Variants in ESYT3 observed in about 807,000 individuals in gnomAD.
ESYT3 encodes the protein extended synaptotagmin-3.
ESYT3 carries 101 observed loss-of-function variants against 111.5 expected under a neutral mutation model. That is an observed-to-expected ratio of 0.91 (90% CI 0.77 to 1.07). The LOEUF (loss-of-function observed/expected upper bound fraction) is 1.07. ESYT3 is among the 50% of genes least tolerant of loss of function. The pLI, the probability that ESYT3 is intolerant of heterozygous loss-of-function variation, is 0.00. For missense variants in ESYT3, 1,097 were observed against 1,109.4 expected (o/e 0.99, Z 0.16); for synonymous variants, 416 against 446.8 (o/e 0.93, Z 0.87).
chr3:138,469,316 CAA>C, intron 14 of ESYT3, 118 bp from the exon 15 acceptor site: 1 of 847,340 alleles, frequency 1.2e-6, no homozygotes, highest in African/African-American at 1.7e-5. Context: ...AGCTTTCTCT[CAA>C]AGAGAAGTAA....
In ESYT3 at chr3:138,479,510, C is replaced by G. The variant is rs1423056666; in HGVS notation, c.*2656C>G. On this transcript the variant is annotated 3_prime_UTR_variant, in exon 23 of 23. Coordinates refer to ENST00000389567, the MANE Select transcript of ESYT3 (RefSeq NM_031913.5). ...TCTCCTTTGCTGCTTTCCCGGCAGGCTGATGTTTGGCTTTGCCAATAGGGG... is the reference window on the plus strand; with the variant it reads ...TCTCCTTTGCTGCTTTCCCGGCAGGGTGATGTTTGGCTTTGCCAATAGGGG... 10 of 152,240 alleles carry G rather than the reference C, an allele frequency of 6.6e-5. No individual in the cohort carries two copies. The highest frequency in any genetic ancestry group is 6.5e-4 in the Admixed American group (10 of 15,292). 9.4% of individuals were successfully genotyped at this position (152,240 alleles called of 1,614,324 possible). A position where few individuals can be genotyped will look rare whatever the true frequency, so the allele number is the denominator to read the frequency against.
chr3:138,475,510 T>C (rs1054008823), intron 20 of ESYT3, among the ~76,000 whole-genome samples: 3 of 152,288 alleles, frequency 2.0e-5, no homozygotes, highest in South Asian at 2.1e-4. Context: ...CTGTTTTCCA[T>C]GCAACTGTAG....
Position 138,460,688 on chromosome 3 carries a change from G to A in ESYT3, c.794+22G>A, listed in dbSNP as rs753471642. On this transcript the variant is annotated intron_variant, in intron 7 of 22. Transcript: ENST00000389567. ...TCAAGTAGGTGCCTGGGAGAGCCTC[G>A]AGGGAGATCATAAGTTTGGGGGCCT... is the stretch of plus-strand genomic sequence containing the variant. 16 of 1,613,630 alleles carry A rather than the reference G, an allele frequency of 9.9e-6. No homozygotes were observed. The South Asian group carries it at 1.1e-4, about 11-fold the overall frequency.
intron 10 of ESYT3, among the ~76,000 whole-genome samples, chr3:138,465,785 G>GGGGTAGAACCCAGCCCTTCA (rs1246060504): frequency 1.3e-5 from 2 of 152,176 alleles, no homozygotes; most frequent in Non-Finnish European, 2.9e-5. Flanking sequence ...CATGCTCTAG[G>GGGGTAGAACCCAGCCCTTCA]GGGTAGAACC....
intron 4 of ESYT3, among the ~76,000 whole-genome samples, chr3:138,458,606 A>C (rs890158716): frequency 4.6e-5 from 7 of 152,144 alleles, no homozygotes; most frequent in Non-Finnish European, 1.0e-4. Context: ...GGATCTGCTG[A>C]TCTTTACCCT....
intron 1 of ESYT3, among the ~76,000 whole-genome samples, chr3:138,446,281 A>G (rs1292195649): frequency 1.3e-5 from 2 of 152,208 alleles, no homozygotes; most frequent in Non-Finnish European, 2.9e-5. Context: ...GTAGTGGACG[A>G]AGTGGAAAAG....
intron 19 of ESYT3, 98 bp downstream of exon 19, chr3:138,473,732 C>A: frequency 9.8e-7 from 1 of 1,022,464 alleles, no homozygotes; most frequent in Non-Finnish European, 1.5e-6. Flanking sequence ...CACATAGTCC[C>A]AAGATAAATA....
rs1251094090 is a variant in ESYT3 at position 138,435,602 on chromosome 3, G to C, written c.327+477G>C. Among the ~76,000 whole-genome samples, 1 of 152,200 alleles carries C rather than the reference G, an allele frequency of 6.6e-6. No homozygotes were observed. The highest frequency in any genetic ancestry group is 2.4e-5 in the African/African-American group (1 of 41,448). ...TCGGCCGAGGCCTGGACTGCGGTAG[G>C]GGGAGGGCTCCGCGGGGCTGGAGGT... On this transcript the variant is annotated intron_variant, in intron 1 of 22. Coordinates refer to ENST00000389567, the MANE Select transcript of ESYT3 (RefSeq NM_031913.5). This position sits in a 1 kb window ranked among gnomAD's most constrained non-coding sequence, Gnocchi z 4.8.
chr3:138,462,414 T>A (rs1249614573), intron 8 of ESYT3: 17 of 630,038 alleles, frequency 2.7e-5, no homozygotes, highest in Non-Finnish European at 8.2e-6. Flanking sequence ...TCAAATTTAC[T>A]GCATTCTAAA....
chr3:138,469,586 A>G (rs1696703098), intron 15 of ESYT3, 82 bp downstream of exon 15: 1 of 1,187,240 alleles, frequency 8.4e-7, no homozygotes, highest in Non-Finnish European at 1.2e-6. Context: ...AGGGAGGGGA[A>G]TTAACTTATG....
At chr3:138,473,679 T>C in intron 19 of ESYT3, 45 bp downstream of exon 19, 1 of 1,539,014 alleles carries the variant, frequency 6.5e-7, no homozygotes, top group South Asian at 1.1e-5. Context: ...GAGCATCAGG[T>C]GACCATAAAT....
At chr3:138,438,031 C>A (rs1255868267) in intron 1 of ESYT3, among the ~76,000 whole-genome samples, 1 of 152,192 alleles carries the variant, frequency 6.6e-6, no homozygotes, top group Non-Finnish European at 1.5e-5. Flanking sequence ...GTTGAATATT[C>A]TTCTCTCTGC....
chr3:138,449,766 C>A (rs1490655541), intron 1 of ESYT3, among the ~76,000 whole-genome samples: 1 of 152,216 alleles, frequency 6.6e-6, no homozygotes, highest in African/African-American at 2.4e-5. Flanking sequence ...TCCCTCTTCC[C>A]ACCTTAGTAC....
chr3:138,456,992 C>G (rs1464925692), intron 3 of ESYT3, among the ~76,000 whole-genome samples: 3 of 152,144 alleles, frequency 2.0e-5, no homozygotes, highest in Admixed American at 2.0e-4. Flanking sequence ...CTGGCCACCC[C>G]CCTCCCTCTG....
intron 20 of ESYT3, among the ~76,000 whole-genome samples, chr3:138,475,821 C>A (rs1033961438): frequency 6.6e-6 from 1 of 152,092 alleles, no homozygotes; most frequent in Non-Finnish European, 1.5e-5. Flanking sequence ...CCCAGCTACT[C>A]GGGAGGCTGA....
At chr3:138,473,796 C>T (rs552597345) in intron 19 of ESYT3, among the ~76,000 whole-genome samples, 162 bp downstream of exon 19, 1 of 152,270 alleles carries the variant, frequency 6.6e-6, no homozygotes, top group African/African-American at 2.4e-5. Flanking sequence ...ATCAAGTCCT[C>T]AAAGGGGCAC....
At chr3:138,461,352 C>G (rs1196003904) in intron 7 of ESYT3, among the ~76,000 whole-genome samples, 2 of 152,192 alleles carry the variant, frequency 1.3e-5, no homozygotes, top group East Asian at 1.9e-4. Context: ...ATCTCACCAT[C>G]TGGGGGCAAG....
In ESYT3 at chr3:138,456,750, C is replaced by T. The variant is rs528703494; in HGVS notation, c.505-818C>T. On this transcript the variant is annotated intron_variant, in intron 3 of 22. Transcript: ENST00000389567. ...AAAGTTTCATCCCAAAACCATTTCC[C>T]ACCCCACCCCCGGTCTGTGGGAAAA... Among the ~76,000 whole-genome samples, 5 of 152,258 alleles carry T rather than the reference C, an allele frequency of 3.3e-5. No individual in the cohort carries two copies. The East Asian group carries it at 9.7e-4, about 29-fold the overall frequency.
At chr3:138,439,336 C>T (rs996880093) in intron 1 of ESYT3, among the ~76,000 whole-genome samples, 2 of 152,030 alleles carry the variant, frequency 1.3e-5, no homozygotes, top group African/African-American at 4.8e-5. Flanking sequence ...GTGGAAGGGA[C>T]GCGCAGAGCA....
Sources: gnomAD v4.1 joint callset for allele counts (sites outside exome capture counted in the v4.1 genomes callset) on GRCh38, gnomAD v4.1.1 for gene constraint, Gnocchi (gnomAD v3.1) non-coding constraint, MANE v1.5 for transcripts, NCBI Gene and HGNC (gene_info 2026-07-23, HGNC 2026-07-21) for gene names.